Variants in EPG5 observed in about 807,000 individuals in gnomAD.
EPG5 encodes the protein ectopic P-granules 5 autophagy tethering factor.
EPG5 carries 159 observed loss-of-function variants against 302.7 expected under a neutral mutation model. That is an observed-to-expected ratio of 0.53 (90% CI 0.46 to 0.60). EPG5 has a LOEUF of 0.60. Among genes scored for constraint, EPG5 ranks in the 20% least tolerant of loss-of-function variants. The pLI is 0.00. For missense variants in EPG5, 2,896 were observed against 3,092.4 expected, an observed-to-expected ratio of 0.94 and a Z score of 1.51; for synonymous variants, 1,158 against 1,136.8, an observed-to-expected ratio of 1.02 and a Z score of -0.37.
chr18:45,828,394 C>A, the EPG5 span, among the ~76,000 whole-genome samples: 1 of 151,896 alleles, frequency 6.6e-6, no homozygotes, highest in African/African-American at 2.4e-5. Flanking sequence ...CTCCCAGGTC[C>A]TCCTCCATCT....
At chr18:45,891,369 G>T (rs2049342552) in intron 27 of EPG5, among the ~76,000 whole-genome samples, 1 of 151,964 alleles carries the variant, frequency 6.6e-6, no homozygotes, top group Non-Finnish European at 1.5e-5. Flanking sequence ...TGTGGTGGCA[G>T]GCACCTGTAA....
At chr18:45,874,550 C>T (rs866727625) in intron 35 of EPG5, among the ~76,000 whole-genome samples, 2 of 152,146 alleles carry the variant, frequency 1.3e-5, no homozygotes, top group Non-Finnish European at 1.5e-5. Context: ...TCTTACATGG[C>T]AGCAGGCAAG....
chr18:45,812,145 C>T, the EPG5 span, among the ~76,000 whole-genome samples: 1 of 152,156 alleles, frequency 6.6e-6, no homozygotes, highest in Non-Finnish European at 1.5e-5. Flanking sequence ...AGAGCCAAAT[C>T]ATGAGTGAAC....
At chr18:45,963,816 A>G (rs1430428187) in intron 1 of EPG5, among the ~76,000 whole-genome samples, 1 of 152,144 alleles carries the variant, frequency 6.6e-6, no homozygotes, top group African/African-American at 2.4e-5. Flanking sequence ...GTTTTGAAAA[A>G]TATATATCCA....
intron 16 of EPG5, 67 bp from the exon 17 acceptor site, chr18:45,917,886 G>A (rs774328585): frequency 1.0e-5 from 16 of 1,577,906 alleles, no homozygotes; most frequent in Non-Finnish European, 1.4e-5. Context: ...TTCTTCCAAT[G>A]AGTTATGAGC....
rs200695340 is a variant in EPG5, at chr18:45,911,106, C to CATAT, written c.3984-365_3984-364insATAT. ...ACACACACACACACACACACACACA[C>CATAT]ACACATATATATATATATATACATT... On this transcript the variant is annotated intron_variant, in intron 22 of 43. Coordinates refer to ENST00000282041, the MANE Select transcript of EPG5 (RefSeq NM_020964.3). Among the ~76,000 whole-genome samples the CATAT allele has an allele frequency of 1.6e-3, 233 of 144,980 alleles. 1 individual carries two copies. Among genetic ancestry groups the CATAT allele is most frequent in the African/African-American group, 5.9e-3 (224 of 37,744 alleles).
At chr18:45,921,510 A>G (rs2145751815) in intron 16 of EPG5, among the ~76,000 whole-genome samples, 1 of 152,364 alleles carries the variant, frequency 6.6e-6, no homozygotes, top group Non-Finnish European at 1.5e-5. Flanking sequence ...AAATGGTAAC[A>G]CAAGACAAAT....
intron 42 of EPG5, among the ~76,000 whole-genome samples, chr18:45,855,918 G>A (rs890370535): frequency 1.3e-5 from 2 of 152,188 alleles, no homozygotes; most frequent in Non-Finnish European, 2.9e-5. Flanking sequence ...TGGCAAAGAT[G>A]TGGAGTAACT....
intron 22 of EPG5, among the ~76,000 whole-genome samples, chr18:45,911,304 T>TA (rs2049893422): frequency 6.8e-6 from 1 of 147,210 alleles, no homozygotes; most frequent in Non-Finnish European, 1.5e-5. Flanking sequence ...TTTTTTTTTT[T>TA]AGACAGACTC....
At chr18:45,865,486 C>T in intron 39 of EPG5, 129 bp downstream of exon 39, 1 of 1,032,280 alleles carries the variant, frequency 9.7e-7, no homozygotes, top group South Asian at 1.6e-5. Context: ...GTCCAAACAC[C>T]TCTCTGACCA....
At chr18:45,936,850 C>G (rs938369535) in intron 10 of EPG5, among the ~76,000 whole-genome samples, 9 of 147,388 alleles carry the variant, frequency 6.1e-5, no homozygotes, top group African/African-American at 2.2e-4. Context: ...GAAACAACTA[C>G]TACAAATCAT....
chr18:45,967,004 A>C (rs895594923), intron 1 of EPG5, among the ~76,000 whole-genome samples, 173 bp downstream of exon 1: 1 of 152,074 alleles, frequency 6.6e-6, no homozygotes, highest in African/African-American at 2.4e-5. Context: ...ATGGAGAAGG[A>C]ATGGAGGAGA....
intron 17 of EPG5, chr18:45,916,855 C>A: frequency 4.4e-6 from 1 of 227,612 alleles, no homozygotes. Flanking sequence ...AAAGGCACCA[C>A]TCTCCCCTCC....
the EPG5 span, chr18:45,825,797 C>A: frequency 2.3e-5 from 37 of 1,614,132 alleles, no homozygotes; most frequent in South Asian, 1.1e-4. Flanking sequence ...GTCTGCTACT[C>A]TCTCTGGCCC....
the EPG5 span, chr18:45,838,045 G>GCCCC: frequency 9.1e-7 from 1 of 1,101,082 alleles, no homozygotes. Flanking sequence ...TCTCACACCT[G>GCCCC]GGGGTAGTTT....
chr18:45,854,939 C>A (rs2048483495), intron 43 of EPG5, among the ~76,000 whole-genome samples: 1 of 152,142 alleles, frequency 6.6e-6, no homozygotes, highest in Admixed American at 6.5e-5. Context: ...TAATATTGGT[C>A]GAGTTAAAAC....
In EPG5 at chr18:45,939,643, C is replaced by T. The variant is rs2050617990; in HGVS notation, c.2056G>A (p.Glu686Lys). 1 of 1,614,142 alleles carries T rather than the reference C, an allele frequency of 6.2e-7. No homozygotes were observed. The highest frequency in any genetic ancestry group is 1.3e-5 in the African/African-American group (1 of 75,046). The part of the protein sequence containing the change: ...SMEKLQVEFD[E>K]LFLRAVLHVL... ...TGTAGGACAGCCCTCAAAAACAGTT[C>T]ATCAAATTCAACCTGTAGTTTCTCC... The change falls in exon 10 of 44, where the codon GAA becomes AAA. Residue 686 changes from glutamate to lysine, a missense_variant. Around this residue, in one of 5 missense-constraint regions of EPG5, gnomAD observed 1,390 missense variants for 1,430.0 expected, o/e 0.97. Transcript: ENST00000282041.
chr18:45,834,582 T>C, the EPG5 span, among the ~76,000 whole-genome samples: 12 of 152,226 alleles, frequency 7.9e-5, no homozygotes, highest in African/African-American at 2.9e-4. Context: ...ATATTGTTCA[T>C]GCCCATCTTT....
chr18:45,908,672 T>A (rs2049816708), intron 23 of EPG5, among the ~76,000 whole-genome samples: 4 of 152,110 alleles, frequency 2.6e-5, no homozygotes, highest in Non-Finnish European at 5.9e-5. Flanking sequence ...AAGTTCTGGC[T>A]GGGCGCAGTG....
Sources: gnomAD v4.1 joint callset for allele counts (sites outside exome capture counted in the v4.1 genomes callset) on GRCh38, gnomAD v4.1.1 for gene constraint, gnomAD v4.1.1 regional missense constraint, MANE v1.5 for transcripts, NCBI Gene and HGNC (gene_info 2026-07-23, HGNC 2026-07-21) for gene names.